Variants in NOL4 observed in about 807,000 individuals in gnomAD.
The protein encoded by NOL4 is nucleolar protein 4.
Under a neutral mutation model 75.9 loss-of-function variants are expected in NOL4, and 17 were observed. The observed-to-expected ratio is 0.22, with a 90% CI of 0.15 to 0.34. The LOEUF (loss-of-function observed/expected upper bound fraction) is 0.34, where lower values mean the gene tolerates loss of function less well. NOL4 is among the 10% of genes least tolerant of loss of function. NOL4 has a pLI of 1.00. For missense variants in NOL4, 614 were observed against 793.5 expected (o/e 0.77, Z 2.72); for synonymous variants, 292 against 289.9 (o/e 1.01, Z -0.07).
At position 33,967,854 on chromosome 18, in the gene NOL4, G is replaced by A. The variant is rs1036498335; in HGVS notation, c.1057-9436C>T. On this transcript the variant is annotated intron_variant, in intron 6 of 10. Transcript: ENST00000261592. ...CTGTAATCCCAGCACTTGGGGGGCC[G>A]AGGCAGGCGGATCACAAGATTAGGA... Among the ~76,000 whole-genome samples, 9 of 152,258 alleles carry A rather than the reference G, an allele frequency of 5.9e-5. No individual in the cohort carries two copies. The East Asian group carries it at 1.5e-3, about 26-fold the overall frequency.
intron 6 of NOL4, among the ~76,000 whole-genome samples, chr18:33,971,743 C>A (rs1423888399): frequency 1.3e-5 from 2 of 152,126 alleles, no homozygotes; most frequent in Non-Finnish European, 2.9e-5. Context: ...TGATTCTCCA[C>A]CCCTTCCAGA....
At chr18:33,991,638 G>T (rs113176925) in intron 6 of NOL4, among the ~76,000 whole-genome samples, 33 of 152,104 alleles carry the variant, frequency 2.2e-4, no homozygotes, top group Admixed American at 1.8e-3. Flanking sequence ...ATTACCATTA[G>T]CTAATTACTC....
intron 6 of NOL4, among the ~76,000 whole-genome samples, chr18:33,977,859 G>T (rs577849449): frequency 6.6e-6 from 1 of 152,224 alleles, no homozygotes; most frequent in African/African-American, 2.4e-5. Context: ...AGTTTAACAT[G>T]TTTTCCCTGA....
chr18:33,857,527 G>A (rs879856404), intron 10 of NOL4, among the ~76,000 whole-genome samples: 2 of 151,942 alleles, frequency 1.3e-5, no homozygotes, highest in African/African-American at 2.4e-5. Flanking sequence ...AAACCATTGA[G>A]TGTTTACTGA....
intron 1 of NOL4, among the ~76,000 whole-genome samples, chr18:34,208,787 A>T (rs547828329): frequency 6.6e-6 from 1 of 151,952 alleles, no homozygotes; most frequent in Non-Finnish European, 1.5e-5. Context: ...ACTTGAACCT[A>T]GGAGGCGGAG....
At chr18:34,099,651 C>T (rs890117741) in intron 4 of NOL4, among the ~76,000 whole-genome samples, 4 of 152,076 alleles carry the variant, frequency 2.6e-5, no homozygotes, top group African/African-American at 9.7e-5. Context: ...AAATTTCTAT[C>T]CCACTGATAT....
intron 6 of NOL4, among the ~76,000 whole-genome samples, chr18:34,004,567 A>G (rs2073925772): frequency 6.6e-6 from 1 of 152,092 alleles, no homozygotes; most frequent in African/African-American, 2.4e-5. Flanking sequence ...GGCTTAGCAT[A>G]TAATAAAAAG....
rs73955071 is a variant in NOL4 at position 33,907,527 on chromosome 18, T to G, written c.1543-24103A>C. Among the ~76,000 whole-genome samples the G allele has an allele frequency of 9.4e-3, 1,436 of 152,200 alleles. 24 individuals carry two copies. Among genetic ancestry groups the G allele is most frequent in the African/African-American group, 0.032 (1,344 of 41,534 alleles). ...TTACAGTCTATTATCTATAAAAATA[T>G]TACAGCTGTAATAAAAATTCAGAAC... On this transcript the variant is annotated intron_variant, in intron 9 of 10. Coordinates refer to ENST00000261592, the MANE Select transcript of NOL4 (RefSeq NM_003787.5).
intron 9 of NOL4, among the ~76,000 whole-genome samples, chr18:33,938,239 T>G (rs1412546600): frequency 6.6e-6 from 1 of 152,120 alleles, no homozygotes; most frequent in East Asian, 1.9e-4. Flanking sequence ...CTCATGGGGT[T>G]GTTGAGAATG....
chr18:34,170,178 A>T (rs979333100), intron 1 of NOL4, among the ~76,000 whole-genome samples: 11 of 141,250 alleles, frequency 7.8e-5, no homozygotes, highest in South Asian at 4.5e-4. Context: ...TTTAAGAACT[A>T]TTTTTTTTTT....
intron 8 of NOL4, among the ~76,000 whole-genome samples, chr18:33,948,896 T>A (rs2145635830): frequency 6.6e-6 from 1 of 152,160 alleles, no homozygotes; most frequent in South Asian, 2.1e-4. Context: ...ATTAAGAGTG[T>A]GTTTAGTAGA....
chr18:34,068,393 T>C (rs529028116), intron 5 of NOL4, among the ~76,000 whole-genome samples: 77 of 152,240 alleles, frequency 5.1e-4, no homozygotes, highest in African/African-American at 1.8e-3. Context: ...TTAAAATTTT[T>C]TAATTTTTTA....
intron 2 of NOL4, among the ~76,000 whole-genome samples, chr18:34,106,861 G>T (rs1012170913): frequency 3.3e-5 from 5 of 152,000 alleles, no homozygotes; most frequent in African/African-American, 1.2e-4. Flanking sequence ...AGTCTATAAT[G>T]CATGCTTCAT....
At chr18:33,879,721 T>G (rs1409443991) in intron 10 of NOL4, among the ~76,000 whole-genome samples, 1 of 151,904 alleles carries the variant, frequency 6.6e-6, no homozygotes, top group East Asian at 1.9e-4. Flanking sequence ...TTATACTCTT[T>G]TGTTTGGATG....
intron 1 of NOL4, among the ~76,000 whole-genome samples, chr18:34,203,030 A>G (rs748211121): frequency 1.3e-5 from 2 of 152,096 alleles, no homozygotes; most frequent in Non-Finnish European, 2.9e-5. Context: ...AGCTGAAATC[A>G]GACCAGCTAT....
At chr18:34,178,838 C>A (rs2146315681) in intron 1 of NOL4, among the ~76,000 whole-genome samples, 1 of 151,624 alleles carries the variant, frequency 6.6e-6, no homozygotes, top group East Asian at 1.9e-4. Context: ...TGTGATAAAC[C>A]AACCTGTTTG....
At chr18:33,965,396 G>C (rs1407609389) in intron 6 of NOL4, among the ~76,000 whole-genome samples, 1 of 152,062 alleles carries the variant, frequency 6.6e-6, no homozygotes, top group Admixed American at 6.6e-5. Context: ...GGGAGGGTGA[G>C]GCAGTAGTAT....
At chr18:33,891,074 T>A (rs919159441) in intron 9 of NOL4, among the ~76,000 whole-genome samples, 7 of 151,598 alleles carry the variant, frequency 4.6e-5, no homozygotes, top group Admixed American at 4.6e-4. Context: ...ATATATTATA[T>A]GATTACACAT....
Position 33,882,804 on chromosome 18 carries a change from C to G in NOL4, c.1723+440G>C, listed in dbSNP as rs542026612. On this transcript the variant is annotated intron_variant, in intron 10 of 10. Transcript: ENST00000261592. ...CACAATAGCAAAGAATTGGAACCAA[C>G]CCAAATGTCCAACAATGATAGACTG... 9.3e-3 allele frequency among the ~76,000 whole-genome samples: 1,406 copies of G among 150,936 alleles called. 22 individuals carry two copies. Among genetic ancestry groups the G allele is most frequent in the African/African-American group, 0.032 (1,306 of 40,318 alleles).
Sources: allele counts gnomAD v4.1 joint callset (sites outside exome capture counted in the v4.1 genomes callset), GRCh38; gene constraint gnomAD v4.1.1; transcripts MANE v1.5; gene names NCBI Gene and HGNC (gene_info 2026-07-23, HGNC 2026-07-21).